The following PHC2 variants were observed in gnomAD, a reference collection of about 807,000 sequenced individuals.
PHC2 encodes the protein polyhomeotic-like protein 2.
In PHC2, 29 loss-of-function variants were observed where a neutral mutation model predicts 87.4. That is an observed-to-expected ratio of 0.33 (90% CI 0.25 to 0.45). The LOEUF (loss-of-function observed/expected upper bound fraction) is 0.45. Ranked by LOEUF, PHC2 falls within the 20% of genes least tolerant of loss-of-function variation. PHC2 has a pLI of 1.00. For missense variants in PHC2, 857 were observed against 1,136.7 expected (o/e 0.75, Z 3.54); for synonymous variants, 438 against 461.7 (o/e 0.95, Z 0.66).
rs1054166702 is a variant in PHC2 at position 33,369,263 on chromosome 1, C to A, written c.577-641G>T. ...TGGTGTTCTCTGCATGACACCTCGA[C>A]CTCCGTGGGAGTCTAGCTCTGCATC... On this transcript the variant is annotated intron_variant, in intron 5 of 14. Coordinates refer to ENST00000683057, the MANE Select transcript of PHC2 (RefSeq NM_001385109.1). The surrounding 1 kb of genome is among the most constrained non-coding windows in gnomAD (Gnocchi z 4.7). 2.0e-5 allele frequency among the ~76,000 whole-genome samples: 3 copies of A among 152,252 alleles called. No individual in the cohort carries two copies. Among genetic ancestry groups the A allele is most frequent in the South Asian group, 2.1e-4 (1 of 4,834 alleles).
chr1:33,349,927 G>T lies in PHC2; in HGVS notation c.1558+4474C>A. The T allele has an allele frequency of 1.1e-6, 1 of 896,690 alleles. No individual in the cohort carries two copies. Among genetic ancestry groups the T allele is most frequent in the Non-Finnish European group, 1.3e-6 (1 of 752,136 alleles). The allele number at this position is 896,690 out of a possible 1,614,324, so 55.5% of individuals were successfully genotyped here. On this transcript the variant is annotated intron_variant, in intron 9 of 14. Coordinates refer to ENST00000683057, the MANE Select transcript of PHC2 (RefSeq NM_001385109.1). The surrounding 1 kb of genome is among the most constrained non-coding windows in gnomAD (Gnocchi z 4.2). ...CGAGTCTGGGACGGCTCCCGCGGCC[G>T]CCTCCGCCGGGGGCGGGGCGAGGGA...
Position 33,372,461 on chromosome 1 carries a change from G to A in PHC2, c.175-14C>T. ...CTGCTGGATCACCTGAGAAGGGAGG[G>A]AGGGGGAAGAGCCAGGCTGGTAGCT... On this transcript the variant is annotated splice_polypyrimidine_tract_variant and intron_variant, in intron 2 of 14. Transcript: ENST00000683057. The A allele has an allele frequency of 6.5e-7, 1 of 1,530,004 alleles. No homozygotes were observed. Among genetic ancestry groups the A allele is most frequent in the East Asian group, 2.4e-5 (1 of 42,214 alleles). 94.8% of individuals were successfully genotyped at this position (1,530,004 alleles called of 1,614,324 possible). A position where few individuals can be genotyped will look rare whatever the true frequency, so the allele number is the denominator to read the frequency against.
At chr1:33,338,576 A>G (rs572429365) in intron 9 of PHC2, among the ~76,000 whole-genome samples, 1 of 152,368 alleles carries the variant, frequency 6.6e-6, no homozygotes, top group East Asian at 1.9e-4. Context: ...CACTGAGATT[A>G]ATTTAATCTG....
intron 1 of PHC2, among the ~76,000 whole-genome samples, chr1:33,411,450 T>TTTG (rs894110212): frequency 1.3e-4 from 20 of 151,240 alleles, no homozygotes; most frequent in South Asian, 2.1e-4. Flanking sequence ...ATCTCTGTTT[T>TTTG]TTGTTGTTGT....
chr1:33,332,165 C>T lies in PHC2; in HGVS notation c.1891+110G>A. 4 of 1,254,952 alleles carry T rather than the reference C, an allele frequency of 3.2e-6. No individual in the cohort carries two copies. The highest frequency in any genetic ancestry group is 4.5e-6 in the Non-Finnish European group (4 of 880,788). 77.7% of individuals were successfully genotyped at this position (1,254,952 alleles called of 1,614,324 possible). ...GAGGAGGTGCTGGGGGAAATGTTTA[C>T]AGACTCGCTGGCTCAGGGTTCCTCT... is the stretch of plus-strand genomic sequence containing the variant. On this transcript the variant is annotated intron_variant, in intron 11 of 14. Coordinates refer to ENST00000683057, the MANE Select transcript of PHC2 (RefSeq NM_001385109.1). This position sits in a 1 kb window ranked among gnomAD's most constrained non-coding sequence, Gnocchi z 4.2.
chr1:33,327,955 T>C (rs1557815234), intron 14 of PHC2, among the ~76,000 whole-genome samples: 2 of 152,176 alleles, frequency 1.3e-5, no homozygotes, highest in Non-Finnish European at 2.9e-5. Context: ...GTAATAAAAA[T>C]TTTGGGGATG....
intron 9 of PHC2, among the ~76,000 whole-genome samples, chr1:33,351,558 G>A (rs991265245): frequency 1.3e-5 from 2 of 151,938 alleles, no homozygotes; most frequent in African/African-American, 2.4e-5. Flanking sequence ...ATTTTTCATC[G>A]TTTCAAGTAG....
chr1:33,366,535 T>C (rs563150409), intron 7 of PHC2, among the ~76,000 whole-genome samples: 2 of 152,376 alleles, frequency 1.3e-5, no homozygotes, highest in African/African-American at 4.8e-5. Flanking sequence ...TCTTCTGTTC[T>C]GACAGTGTTC....
At position 33,355,104 on chromosome 1, in the gene PHC2, G is replaced by A. The variant is rs1647045570; in HGVS notation, c.1126C>T (p.Pro376Ser). 6.2e-7 allele frequency: 1 copy of A among 1,611,586 alleles called. No homozygotes were observed. The highest frequency in any genetic ancestry group is 2.2e-5 in the East Asian group (1 of 44,794). The change falls in exon 8 of 15, where the codon CCC (proline) becomes TCC (serine). Residue 376 changes from proline (P) to serine (S), a missense_variant. This residue lies in a region of PHC2 where 832 missense variants were observed against 1,081.8 expected (regional missense o/e 0.77). Coordinates refer to ENST00000683057, the MANE Select transcript of PHC2 (RefSeq NM_001385109.1). ...SRPVLQAEPH[P>S]QLASVSPSVA... ...CTTGGAGAGACTGAGGCGAGCTGGG[G>A]GTGGGGCTCAGCTTGGAGCACAGGC...
chr1:33,336,030 C>T (rs146643527), intron 9 of PHC2, among the ~76,000 whole-genome samples: 291 of 151,138 alleles, frequency 1.9e-3, no homozygotes, highest in Non-Finnish European at 2.9e-3. Context: ...ACTCTGTCAC[C>T]CAGGCTGGAA....
chr1:33,403,668 G>A (rs1272654153), intron 1 of PHC2, among the ~76,000 whole-genome samples: 1 of 152,182 alleles, frequency 6.6e-6, no homozygotes. Context: ...GAAAGGTACT[G>A]TGGATGTTAA....
intron 1 of PHC2, among the ~76,000 whole-genome samples, chr1:33,430,053 A>G (rs1650837607): frequency 6.6e-6 from 1 of 152,172 alleles, no homozygotes; most frequent in Non-Finnish European, 1.5e-5. Context: ...CTGTGAGCCT[A>G]AAGCTGCCAC....
At chr1:33,386,962 G>T (rs960860840) in intron 1 of PHC2, among the ~76,000 whole-genome samples, 3 of 152,226 alleles carry the variant, frequency 2.0e-5, no homozygotes, top group Non-Finnish European at 4.4e-5. Flanking sequence ...TGGCCTGATG[G>T]TTAAACCGTA....
At chr1:33,356,268 TATATATATGTATATATATATATA>T (rs1420522929) in intron 7 of PHC2, among the ~76,000 whole-genome samples, 4 of 88,286 alleles carry the variant, frequency 4.5e-5, no homozygotes, top group African/African-American at 1.7e-4. Context: ...TATATATATA[TATATATATGTATATATATATATA>T]TATTTATTTA....
At chr1:33,419,116 T>G (rs756182353) in intron 1 of PHC2, among the ~76,000 whole-genome samples, 5 of 152,220 alleles carry the variant, frequency 3.3e-5, no homozygotes, top group Non-Finnish European at 7.3e-5. Context: ...AATAAATGAG[T>G]AAATACATTT....
chr1:33,330,393 C>T lies in PHC2; in HGVS notation c.2007-181G>A, dbSNP rs551077072. The stretch of plus-strand genomic sequence containing the variant: ...TTAAGTCACTTAAGCCCTGATCCTC[C>T]GTTTCCTTATCTGGAGTTGGGGGTA... On this transcript the variant is annotated intron_variant, in intron 12 of 14. Coordinates refer to ENST00000683057, the MANE Select transcript of PHC2 (RefSeq NM_001385109.1). Among the ~76,000 whole-genome samples the T allele has an allele frequency of 1.5e-4, 23 of 152,308 alleles. No individual in the cohort carries two copies. In the South Asian group the frequency reaches 1.7e-3, roughly 11 times the overall value.
At chr1:33,397,276 A>G (rs1290207357) in intron 1 of PHC2, among the ~76,000 whole-genome samples, 7 of 152,200 alleles carry the variant, frequency 4.6e-5, no homozygotes, top group Non-Finnish European at 1.5e-5. Context: ...AAACATTACC[A>G]GGTGCTTAGT....
intron 14 of PHC2, chr1:33,325,947 A>G (rs1304743387): frequency 1.3e-5 from 6 of 455,792 alleles, no homozygotes; most frequent in Non-Finnish European, 2.2e-5. Flanking sequence ...CCTTTAGGGA[A>G]GCTGCTGGGG....
At chr1:33,327,195 T>TTGGATGGGCA (rs1253129028) in intron 14 of PHC2, among the ~76,000 whole-genome samples, 1 of 152,156 alleles carries the variant, frequency 6.6e-6, no homozygotes, top group Non-Finnish European at 1.5e-5. Context: ...TTCTCCCTTT[T>TTGGATGGGCA]TGGATGGGCA....
Sources: allele counts gnomAD v4.1 joint callset (sites outside exome capture counted in the v4.1 genomes callset), GRCh38; gene constraint gnomAD v4.1.1; regional missense constraint gnomAD v4.1.1; non-coding constraint Gnocchi (gnomAD v3.1); transcripts MANE v1.5; gene names NCBI Gene and HGNC (gene_info 2026-07-23, HGNC 2026-07-21).